The following ULK4 variants were observed in gnomAD, a reference collection of about 807,000 sequenced individuals.
ULK4 encodes inactive serine/threonine-protein kinase ULK4.
Under a neutral mutation model 160.6 loss-of-function variants are expected in ULK4, and 133 were observed. That is an observed-to-expected ratio of 0.83 (90% CI 0.72 to 0.96). ULK4 has a LOEUF of 0.96. ULK4 is among the 40% of genes least tolerant of loss of function. The pLI, the probability that ULK4 is intolerant of heterozygous loss-of-function variation, is 0.00. For synonymous variants in ULK4, 534 were observed against 539.8 expected (o/e 0.99, Z 0.15); for missense variants, 1,580 against 1,499.5 (o/e 1.05, Z -0.89).
chr3:41,401,238 T>C (rs763282000), intron 34 of ULK4, among the ~76,000 whole-genome samples: 4 of 152,194 alleles, frequency 2.6e-5, no homozygotes, highest in Non-Finnish European at 5.9e-5. Flanking sequence ...CTTTCTCCTA[T>C]ATTTTTTTCT....
chr3:41,470,611 G>T (rs1028798366), intron 32 of ULK4, among the ~76,000 whole-genome samples: 68 of 152,144 alleles, frequency 4.5e-4, no homozygotes, highest in African/African-American at 1.6e-3. Context: ...TTTACTCCTA[G>T]TGTGAGGGTT....
intron 31 of ULK4, among the ~76,000 whole-genome samples, chr3:41,586,648 G>C (rs1051407517): frequency 6.6e-6 from 1 of 152,082 alleles, no homozygotes; most frequent in African/African-American, 2.4e-5. Context: ...TTAATGTTAT[G>C]TGGTTTTTGC....
At chr3:41,668,268 A>C (rs531027297) in intron 29 of ULK4, among the ~76,000 whole-genome samples, 1 of 152,328 alleles carries the variant, frequency 6.6e-6, no homozygotes, top group East Asian at 1.9e-4. Flanking sequence ...GATTCTGCTA[A>C]ATGAAAGGCT....
chr3:41,523,209 C>A (rs2085995708), intron 32 of ULK4, among the ~76,000 whole-genome samples: 1 of 152,072 alleles, frequency 6.6e-6, no homozygotes, highest in African/African-American at 2.4e-5. Flanking sequence ...GTGCCCAGCC[C>A]CAGACCAAGT....
intron 35 of ULK4, among the ~76,000 whole-genome samples, chr3:41,317,321 T>C (rs200301960): frequency 0.022 from 3,312 of 152,126 alleles, 83 homozygotes; most frequent in African/African-American, 0.068. Flanking sequence ...ATGATCCACC[T>C]GCCTCGGCCT....
intron 32 of ULK4, among the ~76,000 whole-genome samples, chr3:41,468,334 C>T (rs77246870): frequency 0.031 from 4,772 of 152,048 alleles, 241 homozygotes; most frequent in African/African-American, 0.11. Context: ...GACTGAGGGT[C>T]GAGTAAGTCC....
chr3:41,639,922 G>C (rs1257721477), intron 30 of ULK4, among the ~76,000 whole-genome samples: 13 of 152,056 alleles, frequency 8.5e-5, no homozygotes, highest in African/African-American at 2.9e-4. Context: ...GTGATGACTG[G>C]GTAAAGAAAT....
intron 27 of ULK4, among the ~76,000 whole-genome samples, chr3:41,688,685 C>G (rs991575595): frequency 6.6e-6 from 1 of 152,112 alleles, no homozygotes; most frequent in Non-Finnish European, 1.5e-5. Flanking sequence ...CAAATAAAAC[C>G]GTCAGCCCTG....
intron 30 of ULK4, among the ~76,000 whole-genome samples, chr3:41,652,365 T>G (rs1274776188): frequency 6.6e-6 from 1 of 152,226 alleles, no homozygotes; most frequent in East Asian, 1.9e-4. Flanking sequence ...TCTACAATCC[T>G]ATCAGAAAAA....
intron 9 of ULK4, among the ~76,000 whole-genome samples, 195 bp downstream of exon 9, chr3:41,912,611 AC>A (rs1441925913): frequency 6.6e-6 from 1 of 152,246 alleles, no homozygotes; most frequent in Non-Finnish European, 1.5e-5. Flanking sequence ...AAGAATAACA[AC>A]AGAAAATATG....
intron 16 of ULK4, among the ~76,000 whole-genome samples, chr3:41,885,881 T>C (rs1323320486): frequency 6.6e-6 from 1 of 152,112 alleles, no homozygotes; most frequent in African/African-American, 2.4e-5. Context: ...TTTCGCCATG[T>C]TGTCCAGGCT....
chr3:41,306,736 C>T (rs1343874431), intron 35 of ULK4, among the ~76,000 whole-genome samples: 1 of 151,886 alleles, frequency 6.6e-6, no homozygotes, highest in Non-Finnish European at 1.5e-5. Context: ...ATTGAGAAAT[C>T]GGATGGTTGC....
intron 29 of ULK4, among the ~76,000 whole-genome samples, chr3:41,675,024 G>A (rs1485034924): frequency 6.6e-6 from 1 of 152,070 alleles, no homozygotes; most frequent in Non-Finnish European, 1.5e-5. Context: ...GGCTGATCAT[G>A]AGGTCAAGAG....
At chr3:41,726,436 G>A (rs1480418540) in intron 22 of ULK4, among the ~76,000 whole-genome samples, 1 of 152,188 alleles carries the variant, frequency 6.6e-6, no homozygotes, top group African/African-American at 2.4e-5. Flanking sequence ...CTATAAAGGA[G>A]ACAAAATGTG....
chr3:41,844,836 C>T (rs1463623425), intron 17 of ULK4, among the ~76,000 whole-genome samples: 1 of 150,468 alleles, frequency 6.6e-6, no homozygotes, highest in Non-Finnish European at 1.5e-5. Context: ...GCAATTACCA[C>T]AGGACCCAGC....
chr3:41,700,367 C>T (rs1041285267), intron 27 of ULK4, among the ~76,000 whole-genome samples: 1 of 152,154 alleles, frequency 6.6e-6, no homozygotes, highest in African/African-American at 2.4e-5. Context: ...TCACCTTACA[C>T]AGAAATGGGC....
chr3:41,611,915 T>C (rs141483314), intron 31 of ULK4, among the ~76,000 whole-genome samples: 328 of 152,272 alleles, frequency 2.2e-3, no homozygotes, highest in African/African-American at 7.5e-3. Context: ...CCAGGCTCCC[T>C]GTACTTGGGC....
chr3:41,627,923 A>G (rs2033595597), intron 30 of ULK4, among the ~76,000 whole-genome samples: 1 of 152,180 alleles, frequency 6.6e-6, no homozygotes, highest in Non-Finnish European at 1.5e-5. Context: ...CCAGGAGAGC[A>G]TTGTAAAAGG....
intron 22 of ULK4, among the ~76,000 whole-genome samples, chr3:41,747,740 C>A (rs918208640): frequency 6.6e-6 from 1 of 152,044 alleles, no homozygotes; most frequent in African/African-American, 2.4e-5. Context: ...CATGAGTGCA[C>A]ACACACAAAG....
Sources: allele counts gnomAD v4.1 joint callset (sites outside exome capture counted in the v4.1 genomes callset), GRCh38; gene constraint gnomAD v4.1.1; transcripts MANE v1.5; gene names NCBI Gene and HGNC (gene_info 2026-07-23, HGNC 2026-07-21).